Variants in KCNJ16 observed in about 807,000 individuals in gnomAD.
The protein encoded by KCNJ16 is inward rectifier potassium channel 16.
KCNJ16 carries 15 observed loss-of-function variants against 18.5 expected under a neutral mutation model. The ratio of observed to expected loss-of-function variants is 0.81; its 90% CI spans 0.54 to 1.25. The LOEUF is 1.25. Among genes scored for constraint, KCNJ16 ranks in the 50% most tolerant of loss-of-function variants. The probability of loss-of-function intolerance (pLI) is 0.00; values close to 1 mark genes in which losing one functional copy is unlikely to be tolerated. For missense variants in KCNJ16, 523 were observed against 525.7 expected, an observed-to-expected ratio of 0.99 and a Z score of 0.05; for synonymous variants, 174 against 186.5, an observed-to-expected ratio of 0.93 and a Z score of 0.55.
At chr17:70,123,869 G>A (rs1405869018) in intron 2 of KCNJ16, among the ~76,000 whole-genome samples, 1 of 152,196 alleles carries the variant, frequency 6.6e-6, no homozygotes, top group Non-Finnish European at 1.5e-5. Context: ...TGCTCTGGAT[G>A]AAAGAGGCAA....
intron 2 of KCNJ16, among the ~76,000 whole-genome samples, chr17:70,109,760 T>C (rs1279576765): frequency 6.6e-6 from 1 of 152,200 alleles, no homozygotes; most frequent in Non-Finnish European, 1.5e-5. Context: ...GCCACTACAT[T>C]GCCTTTGAAT....
intron 2 of KCNJ16, among the ~76,000 whole-genome samples, chr17:70,122,498 C>T (rs2073684060): frequency 6.6e-6 from 1 of 152,122 alleles, no homozygotes. Context: ...TAAAAAGGTA[C>T]ATGTAATTAA....
chr17:70,132,345 G>A lies in KCNJ16; in HGVS notation c.258G>A (p.Leu86=), dbSNP rs995102883. 2 of 1,614,156 alleles carry A rather than the reference G, an allele frequency of 1.2e-6. No homozygotes were observed. Among genetic ancestry groups the A allele is most frequent in the Middle Eastern group, 1.7e-4 (1 of 6,060 alleles). Residue 86 remains leucine, a synonymous_variant, in exon 4 of 4, where the codon TTG becomes TTA. Transcript: ENST00000392671. The part of the protein sequence containing the change: ...IFSLSYILSW[L]IFGSVFWLIA... The stretch of plus-strand genomic sequence containing the variant: ...CTTTATCTTATATTCTCTCGTGGTT[G>A]ATATTTGGCTCTGTCTTTTGGCTCA...
chr17:70,109,366 T>C (rs2073084580), intron 2 of KCNJ16, among the ~76,000 whole-genome samples: 1 of 152,122 alleles, frequency 6.6e-6, no homozygotes, highest in Admixed American at 6.6e-5. Context: ...TAAGAAGTGT[T>C]TCTCTCTGGC....
At chr17:70,086,992 G>A (rs11657186) in intron 1 of KCNJ16, among the ~76,000 whole-genome samples, 129,624 of 151,742 alleles carry the variant, frequency 0.85, 55,475 homozygotes, top group East Asian at 0.99. Context: ...TCCACCTCCC[G>A]GGTTCAAGAT....
intron 1 of KCNJ16, among the ~76,000 whole-genome samples, chr17:70,082,985 G>A (rs113129881): frequency 0.016 from 2,385 of 151,796 alleles, 61 homozygotes; most frequent in African/African-American, 0.054. Context: ...TCATTTACAC[G>A]TTCCCTCAAC....
At chr17:70,083,337 G>C (rs1444189803) in intron 1 of KCNJ16, among the ~76,000 whole-genome samples, 1 of 132,884 alleles carries the variant, frequency 7.5e-6, no homozygotes, top group African/African-American at 2.9e-5. Flanking sequence ...AGACAGTTAT[G>C]ATCAACCTGT....
intron 2 of KCNJ16, among the ~76,000 whole-genome samples, chr17:70,117,538 C>T (rs559382752): frequency 6.6e-6 from 1 of 152,154 alleles, no homozygotes; most frequent in Admixed American, 6.5e-5. Flanking sequence ...AGTAGTATCA[C>T]CTTTGTGTTT....
chr17:70,085,819 C>T (rs143988629), intron 1 of KCNJ16, among the ~76,000 whole-genome samples: 7 of 152,122 alleles, frequency 4.6e-5, no homozygotes, highest in African/African-American at 1.7e-4. Context: ...GGGCAGAACA[C>T]TAGATGTTCC....
intron 1 of KCNJ16, among the ~76,000 whole-genome samples, chr17:70,082,984 C>T (rs1056500180): frequency 2.6e-5 from 4 of 152,016 alleles, no homozygotes; most frequent in Non-Finnish European, 4.4e-5. Flanking sequence ...TTCATTTACA[C>T]GTTCCCTCAA....
chr17:70,081,046 A>T (rs543156385), intron 1 of KCNJ16, among the ~76,000 whole-genome samples: 2 of 152,166 alleles, frequency 1.3e-5, no homozygotes, highest in South Asian at 4.1e-4. Context: ...TATGTTATTG[A>T]GTTCTATTTG....
Position 70,121,328 on chromosome 17 carries a change from T to C in KCNJ16, c.-190-9551T>C, listed in dbSNP as rs765902149. Among the ~76,000 whole-genome samples, 105 of 152,330 alleles carry C rather than the reference T, an allele frequency of 6.9e-4. 1 individual carries two copies. The highest frequency in any genetic ancestry group is 3.4e-3 in the Middle Eastern group (1 of 294). On this transcript the variant is annotated intron_variant, in intron 2 of 3. Transcript: ENST00000392671. The stretch of plus-strand genomic sequence containing the variant: ...CCTGAACATTTTCAGGAACAATATG[T>C]AGCCGCAGACCTTAAACAATGGTCT...
chr17:70,118,226 A>G (rs1283861250), intron 2 of KCNJ16, among the ~76,000 whole-genome samples: 1 of 152,074 alleles, frequency 6.6e-6, no homozygotes, highest in African/African-American at 2.4e-5. Flanking sequence ...ACAGGGACAC[A>G]GAGAGGGGAA....
intron 2 of KCNJ16, chr17:70,108,267 T>C (rs534018930): frequency 6.6e-6 from 1 of 152,340 alleles, no homozygotes; most frequent in South Asian, 2.1e-4. Context: ...CCTTTAATAG[T>C]TTCTTCTCTG....
chr17:70,099,280 C>A (rs1439289169), intron 1 of KCNJ16, among the ~76,000 whole-genome samples: 1 of 152,032 alleles, frequency 6.6e-6, no homozygotes, highest in Non-Finnish European at 1.5e-5. Context: ...TTTTTCACTG[C>A]AAGAAATGAA....
intron 2 of KCNJ16, chr17:70,101,394 T>C (rs753311601): frequency 3.9e-5 from 6 of 152,220 alleles, no homozygotes; most frequent in Non-Finnish European, 8.8e-5. Flanking sequence ...AAAAGCTATA[T>C]GAAAACTATA....
chr17:70,130,831 G>A (rs2074030359), intron 2 of KCNJ16, 48 bp from the exon 3 acceptor site: 1 of 780,088 alleles, frequency 1.3e-6, no homozygotes, highest in Non-Finnish European at 2.2e-6. Flanking sequence ...TAGTTACTAA[G>A]CTGTTAAAAT....
At chr17:70,078,136 A>G (rs1004510041) in intron 1 of KCNJ16, among the ~76,000 whole-genome samples, 23 of 152,180 alleles carry the variant, frequency 1.5e-4, no homozygotes, top group African/African-American at 4.8e-4. Context: ...CTTGTTCCAG[A>G]AAGTTCTACT....
At chr17:70,081,236 C>T (rs886808882) in intron 1 of KCNJ16, among the ~76,000 whole-genome samples, 3 of 152,096 alleles carry the variant, frequency 2.0e-5, no homozygotes, top group Admixed American at 6.6e-5. Context: ...TTCGATCTCA[C>T]GCCCAAGGAG....
Sources: gnomAD v4.1 joint callset for allele counts (sites outside exome capture counted in the v4.1 genomes callset) on GRCh38, gnomAD v4.1.1 for gene constraint, MANE v1.5 for transcripts, NCBI Gene and HGNC (gene_info 2026-07-23, HGNC 2026-07-21) for gene names.